ABL1: variants seen among roughly 807,000 people sequenced by gnomAD.
ABL1 encodes tyrosine-protein kinase ABL1.
A neutral mutation model predicts 94.7 loss-of-function variants in ABL1; 11 were observed. The ratio of observed to expected loss-of-function variants is 0.12; its 90% confidence interval spans 0.07 to 0.19. The LOEUF is 0.19. Ranked by LOEUF, ABL1 falls within the 10% of genes least tolerant of loss-of-function variation. The probability of loss-of-function intolerance (pLI) is 1.00; values close to 1 mark genes in which losing one functional copy is unlikely to be tolerated. For missense variants in ABL1, 1,082 were observed against 1,489.4 expected (o/e 0.73, Z 4.50); for synonymous variants, 656 against 622.4 (o/e 1.05, Z -0.80).
intron 10 of ABL1, among the ~76,000 whole-genome samples, chr9:130,882,118 G>T (rs901545444): frequency 6.6e-6 from 1 of 152,086 alleles, no homozygotes; most frequent in Non-Finnish European, 1.5e-5. Flanking sequence ...TCCTCTTATC[G>T]GTTTTCCTGA....
chr9:130,739,734 C>T (rs1222801654), intron 1 of ABL1, among the ~76,000 whole-genome samples: 2 of 152,036 alleles, frequency 1.3e-5, no homozygotes, highest in Non-Finnish European at 2.9e-5. Flanking sequence ...ACTGGTAAGT[C>T]CACATCATTG....
chr9:130,843,907 C>G (rs747867107), intron 1 of ABL1, among the ~76,000 whole-genome samples: 6 of 152,110 alleles, frequency 3.9e-5, no homozygotes, highest in Non-Finnish European at 7.4e-5. Flanking sequence ...GCTTCAGGAG[C>G]TCAGACTTTT....
In ABL1 at chr9:130,751,129, C is replaced by CTT. The variant is rs60206110; in HGVS notation, c.136+36703_136+36704dup. Among the ~76,000 whole-genome samples, 396 of 57,460 alleles carry CTT rather than the reference C, an allele frequency of 6.9e-3. 115 individuals carry two copies. Among genetic ancestry groups the CTT allele is most frequent in the Middle Eastern group, 0.019 (1 of 54 alleles). The allele number at this position is 57,460 out of a possible 152,430, so 37.7% of individuals were successfully genotyped here. ...TTTGAAACTTGTTTTTTTTATTCAG[C>CTT]TTTTTTTTTTTTTTTTTTTTTTTTT... On this transcript the variant is annotated intron_variant, in intron 1 of 10. Transcript: ENST00000372348.
chr9:130,740,559 A>G (rs771555860), intron 1 of ABL1, among the ~76,000 whole-genome samples: 1 of 152,120 alleles, frequency 6.6e-6, no homozygotes, highest in East Asian at 1.9e-4. Flanking sequence ...TTATTATCTC[A>G]CCACCTTATT....
chr9:130,882,897 C>T (rs1831485920), intron 10 of ABL1, among the ~76,000 whole-genome samples: 1 of 152,130 alleles, frequency 6.6e-6, no homozygotes, highest in African/African-American at 2.4e-5. Flanking sequence ...AAACTGTTGG[C>T]CGGGCGTGGT....
chr9:130,873,196 C>T (rs7847625), intron 6 of ABL1, among the ~76,000 whole-genome samples, 159 bp downstream of exon 6: 2,771 of 152,318 alleles, frequency 0.018, 90 homozygotes, highest in African/African-American at 0.063. Flanking sequence ...CACTAGGCTC[C>T]TGGCAAAGCC....
chr9:130,737,724 A>T (rs1406976276), intron 1 of ABL1, among the ~76,000 whole-genome samples: 6 of 151,930 alleles, frequency 3.9e-5, no homozygotes, highest in Non-Finnish European at 7.4e-5. Flanking sequence ...TGAAAAAGTC[A>T]TGTTGAGGCA....
In ABL1 at chr9:130,715,327, A is replaced by C. The variant is rs1303184263; in HGVS notation, c.136+872A>C. Among the ~76,000 whole-genome samples, 7 of 152,182 alleles carry C rather than the reference A, an allele frequency of 4.6e-5. No individual in the cohort carries two copies. The East Asian group carries it at 1.3e-3, about 29-fold the overall frequency. ...TTTTTGGATTGTGTCCTTTATATTA[A>C]AAAATCAGTTGAGCCCACCTATCCT... On this transcript the variant is annotated intron_variant, in intron 1 of 10. Transcript: ENST00000372348.
intron 1 of ABL1, among the ~76,000 whole-genome samples, chr9:130,725,923 G>T (rs1831579003): frequency 7.3e-6 from 1 of 137,096 alleles, no homozygotes; most frequent in Non-Finnish European, 1.5e-5. Context: ...GTTCAAGCTT[G>T]CTACAACCTT....
At chr9:130,824,092 G>C (rs1186203836) in intron 1 of ABL1, among the ~76,000 whole-genome samples, 2 of 152,196 alleles carry the variant, frequency 1.3e-5, no homozygotes, top group African/African-American at 4.8e-5. Flanking sequence ...TATCGGAATA[G>C]ATATCCTAAA....
intron 1 of ABL1, 144 bp from the exon 2 acceptor site, chr9:130,853,920 A>G: frequency 1.3e-6 from 1 of 747,632 alleles, no homozygotes; most frequent in South Asian, 2.6e-5. Flanking sequence ...CCTTAATGAT[A>G]ATAGTATGTA....
At chr9:130,813,561 CAA>C (rs57194587) in intron 1 of ABL1, among the ~76,000 whole-genome samples, 7,597 of 59,794 alleles carry the variant, frequency 0.13, 75 homozygotes, top group South Asian at 0.21. Flanking sequence ...ACTCCATCTC[CAA>C]AAAAAAAAAA....
At chr9:130,718,932 T>A (rs1448443262) in intron 1 of ABL1, among the ~76,000 whole-genome samples, 1 of 152,088 alleles carries the variant, frequency 6.6e-6, no homozygotes, top group Non-Finnish European at 1.5e-5. Flanking sequence ...AGAAGGCACA[T>A]AGGGATGTTT....
At chr9:130,832,155 G>A (rs1201803877), upstream of ABL1, among the ~76,000 whole-genome samples, 5 of 140,926 alleles carry the variant, frequency 3.5e-5, no homozygotes, top group African/African-American at 1.3e-4. Flanking sequence ...ATGGAGTCTC[G>A]CTCTGTTGCC....
intron 10 of ABL1, 23 bp from the exon 11 acceptor site, chr9:130,883,946 C>T (rs1564323180): frequency 6.3e-7 from 1 of 1,587,500 alleles, no homozygotes; most frequent in Non-Finnish European, 8.6e-7. Context: ...CTGGAGTTGT[C>T]AGCTCTTCCC....
rs575565031 is a variant in ABL1, at chr9:130,758,518, C to T, written c.136+44063C>T. ...CGCAGTCTCGACTCACTGTAACCTCCGCCTCCTGGGTTCAAGCAATTCTCC... is the reference window on the plus strand; with the variant it reads ...CGCAGTCTCGACTCACTGTAACCTCTGCCTCCTGGGTTCAAGCAATTCTCC... On this transcript the variant is annotated intron_variant, in intron 1 of 10. Coordinates refer to the ABL1 transcript ENST00000372348. Among the ~76,000 whole-genome samples, 41 of 152,170 alleles carry T rather than the reference C, an allele frequency of 2.7e-4. No homozygotes were observed. In the South Asian group the frequency reaches 5.8e-3, roughly 22 times the overall value.
At position 130,887,539 on chromosome 9, in the gene ABL1, G is replaced by A. The variant is rs552603530; in HGVS notation, c.*1856G>A. ...GCATAGCGTCCTGCCCTGCCCCCTC[G>A]GGGGCCTGTGGTGGCTCCCCCTCTG... is the stretch of plus-strand genomic sequence containing the variant. On this transcript the variant is annotated 3_prime_UTR_variant, in exon 11 of 11. Coordinates refer to ENST00000318560, the MANE Select transcript of ABL1 (RefSeq NM_005157.6). The A allele has an allele frequency of 2.4e-4, 55 of 232,970 alleles. No individual in the cohort carries two copies. The highest frequency in any genetic ancestry group is 1.3e-3 in the Middle Eastern group (1 of 782). The allele number at this position is 232,970 out of a possible 1,614,324, so 14.4% of individuals were successfully genotyped here.
At position 130,785,788 on chromosome 9, in the gene ABL1, T is replaced by C. The variant is rs569044517; in HGVS notation, c.137-68276T>C. 2.6e-5 allele frequency among the ~76,000 whole-genome samples: 4 copies of C among 151,900 alleles called. No individual in the cohort carries two copies. The South Asian group carries it at 8.3e-4, about 32-fold the overall frequency. ...AAATACAAAAATTAGCTGGGCATGG[T>C]GGTGCATGCCTGTAATCCCACCTAC... On this transcript the variant is annotated intron_variant, in intron 1 of 10. Transcript: ENST00000372348.
chr9:130,886,746 A>C lies in ABL1; in HGVS notation c.*1063A>C, dbSNP rs1162860354. The C allele has an allele frequency of 4.3e-6, 1 of 233,578 alleles. No individual in the cohort carries two copies. The highest frequency in any genetic ancestry group is 8.5e-6 in the Non-Finnish European group (1 of 117,980). The allele number at this position is 233,578 out of a possible 1,614,324, so 14.5% of individuals were successfully genotyped here. A position where few individuals can be genotyped will look rare whatever the true frequency, so the allele number is the denominator to read the frequency against. On this transcript the variant is annotated 3_prime_UTR_variant, in exon 11 of 11. Coordinates refer to ENST00000318560, the MANE Select transcript of ABL1 (RefSeq NM_005157.6). ...GAACAAGACAGCCTTCACTTTTCTG[A>C]GTTCTTGAAGCATTTCAAAGCCCTG...
Sources: gnomAD v4.1 joint callset for allele counts (sites outside exome capture counted in the v4.1 genomes callset) on GRCh38, gnomAD v4.1.1 for gene constraint, MANE v1.5 for transcripts, NCBI Gene and HGNC (gene_info 2026-07-23, HGNC 2026-07-21) for gene names.